The following MNAT1 variants were observed in gnomAD, a reference collection of about 807,000 sequenced individuals.
MNAT1 encodes the protein CDK-activating kinase assembly factor MAT1.
In MNAT1, 43 loss-of-function variants were observed where a neutral mutation model predicts 42.0. The ratio of observed to expected loss-of-function variants is 1.02; its 90% CI spans 0.80 to 1.32. The LOEUF is 1.32. MNAT1 is among the 40% of genes most tolerant of loss of function. The pLI is 0.00. For missense variants in MNAT1, 306 were observed against 350.4 expected, an observed-to-expected ratio of 0.87 and a Z score of 1.01; for synonymous variants, 118 against 120.0, an observed-to-expected ratio of 0.98 and a Z score of 0.11.
intron 3 of MNAT1, among the ~76,000 whole-genome samples, chr14:60,805,390 T>C (rs962369361): frequency 2.0e-5 from 3 of 152,198 alleles, no homozygotes; most frequent in Non-Finnish European, 4.4e-5. Flanking sequence ...TTACAATCAA[T>C]GAACCTACAT....
chr14:60,936,974 C>A (rs1264523412), intron 7 of MNAT1, among the ~76,000 whole-genome samples: 1 of 151,630 alleles, frequency 6.6e-6, no homozygotes, highest in East Asian at 1.9e-4. Flanking sequence ...CTCTGATGGC[C>A]AGTGATGCTG....
chr14:60,859,573 A>G (rs552836049), intron 6 of MNAT1, among the ~76,000 whole-genome samples: 1 of 152,310 alleles, frequency 6.6e-6, no homozygotes, highest in Non-Finnish European at 1.5e-5. Flanking sequence ...AACATTAATC[A>G]AGACAAAAAA....
At chr14:60,866,760 A>G (rs2034211711) in intron 6 of MNAT1, among the ~76,000 whole-genome samples, 1 of 152,052 alleles carries the variant, frequency 6.6e-6, no homozygotes, top group Non-Finnish European at 1.5e-5. Context: ...AGTTGTAATT[A>G]TATATTATTT....
chr14:60,829,855 A>G (rs2033164462), intron 6 of MNAT1, among the ~76,000 whole-genome samples: 1 of 152,208 alleles, frequency 6.6e-6, no homozygotes, highest in Non-Finnish European at 1.5e-5. Flanking sequence ...GCTTAATGTA[A>G]TGAGGCAGAT....
chr14:60,856,914 C>T (rs1042200905), intron 6 of MNAT1, among the ~76,000 whole-genome samples: 8 of 152,036 alleles, frequency 5.3e-5, no homozygotes, highest in Non-Finnish European at 8.8e-5. Context: ...CTCCTCACCT[C>T]GTGATCCGCC....
At chr14:60,911,944 G>T (rs1022760418) in intron 7 of MNAT1, among the ~76,000 whole-genome samples, 10 of 152,084 alleles carry the variant, frequency 6.6e-5, no homozygotes, top group South Asian at 2.1e-4. Context: ...CATTATTATT[G>T]TGTGGGAGTC....
rs117275645 is a variant in MNAT1, at chr14:60,763,257, G to T, written c.89+28306G>T. 3.0e-3 allele frequency among the ~76,000 whole-genome samples: 463 copies of T among 152,144 alleles called. 1 individual carries two copies. The highest frequency in any genetic ancestry group is 6.8e-3 in the Middle Eastern group (2 of 294). On this transcript the variant is annotated intron_variant, in intron 1 of 7. Coordinates refer to ENST00000261245, the MANE Select transcript of MNAT1 (RefSeq NM_002431.4). ...CTTTAATTAATTTATAGATGAAATG[G>T]CCATTGCTGCATTGCTGGTTAGGAC... is the stretch of plus-strand genomic sequence containing the variant.
At chr14:60,916,815 C>A (rs559260300) in intron 7 of MNAT1, among the ~76,000 whole-genome samples, 2 of 152,016 alleles carry the variant, frequency 1.3e-5, no homozygotes, top group Non-Finnish European at 2.9e-5. Context: ...TAGCCAGGTG[C>A]GGTTGTGCAT....
At chr14:60,926,151 C>A (rs2139561211) in intron 7 of MNAT1, among the ~76,000 whole-genome samples, 1 of 152,324 alleles carries the variant, frequency 6.6e-6, no homozygotes, top group East Asian at 1.9e-4. Context: ...CACCCTTATT[C>A]TACCCACAAA....
At chr14:60,759,238 C>T (rs2030494126) in intron 1 of MNAT1, among the ~76,000 whole-genome samples, 1 of 152,080 alleles carries the variant, frequency 6.6e-6, no homozygotes. Context: ...ATCCAAATTC[C>T]TTAGCTTATC....
intron 7 of MNAT1, among the ~76,000 whole-genome samples, chr14:60,906,292 A>G (rs2035196850): frequency 6.6e-6 from 1 of 152,206 alleles, no homozygotes; most frequent in African/African-American, 2.4e-5. Context: ...TTTATAGACC[A>G]TGGTCAAGAC....
chr14:60,816,813 C>G (rs2032730498), intron 5 of MNAT1, among the ~76,000 whole-genome samples: 2 of 151,878 alleles, frequency 1.3e-5, no homozygotes. Context: ...AATTTGAGTG[C>G]TAAAATAGAA....
chr14:60,872,835 T>TAC (rs200338598), intron 6 of MNAT1, among the ~76,000 whole-genome samples: 7,480 of 146,696 alleles, frequency 0.051, 209 homozygotes, highest in East Asian at 0.076. Context: ...CACACACACA[T>TAC]ACACACACAC....
At chr14:60,807,604 G>T (rs1213649225) in intron 3 of MNAT1, among the ~76,000 whole-genome samples, 36 of 152,004 alleles carry the variant, frequency 2.4e-4, no homozygotes, top group Non-Finnish European at 4.4e-5. Context: ...TAGTAACTTT[G>T]ATTTACATAT....
At chr14:60,937,275 G>C (rs557745952) in intron 7 of MNAT1, among the ~76,000 whole-genome samples, 5 of 152,082 alleles carry the variant, frequency 3.3e-5, no homozygotes, top group African/African-American at 4.8e-5. Flanking sequence ...CATTGCTTTT[G>C]GTGTTTTAAA....
Position 60,968,237 on chromosome 14 carries a change from A to G in MNAT1, c.818A>G (p.Asn273Ser). The change falls in exon 8 of 8, where the codon AAC becomes AGC. Residue 273 changes from asparagine (N) to serine (S), a missense_variant. Asn to Ser is a conservative substitution (Grantham distance 46). This residue lies in a region of MNAT1 where 116 missense variants were observed against 139.6 expected (regional missense o/e 0.83). Coordinates refer to ENST00000261245, the MANE Select transcript of MNAT1 (RefSeq NM_002431.4). ...TTCTTGTTTTGTTTTAGGTATTTAA[A>G]CCATGTCAGAGCTGCCTCACCACAG... ...LEMLGRLGYL[N>S]HVRAASPQDL... 1.9e-6 allele frequency: 3 copies of G among 1,611,038 alleles called. No homozygotes were observed. Among genetic ancestry groups the G allele is most frequent in the Non-Finnish European group, 2.5e-6 (3 of 1,179,030 alleles).
intron 6 of MNAT1, among the ~76,000 whole-genome samples, chr14:60,869,040 A>ATTTTT (rs71114162): frequency 1.8e-5 from 2 of 113,050 alleles, no homozygotes; most frequent in African/African-American, 6.8e-5. Context: ...ATATATATAT[A>ATTTTT]TTTTTTTTTT....
intron 7 of MNAT1, among the ~76,000 whole-genome samples, chr14:60,909,611 T>G (rs1403778992): frequency 6.6e-6 from 1 of 152,160 alleles, no homozygotes; most frequent in Non-Finnish European, 1.5e-5. Context: ...TTTTCTCAGG[T>G]TTGTCAAAGA....
intron 1 of MNAT1, among the ~76,000 whole-genome samples, chr14:60,744,321 G>C (rs915864576): frequency 1.3e-5 from 2 of 152,054 alleles, no homozygotes; most frequent in African/African-American, 4.8e-5. Context: ...TAGTAGAGAT[G>C]GGGTTTTGCC....
Sources: gnomAD v4.1 joint callset for allele counts (sites outside exome capture counted in the v4.1 genomes callset) on GRCh38, gnomAD v4.1.1 for gene constraint, gnomAD v4.1.1 regional missense constraint, MANE v1.5 for transcripts, NCBI Gene and HGNC (gene_info 2026-07-23, HGNC 2026-07-21) for gene names.